The following TFDP2 variants were observed in gnomAD, a reference collection of about 807,000 sequenced individuals.
The protein encoded by TFDP2 is transcription factor Dp-2.
In TFDP2, 17 loss-of-function variants were observed where a neutral mutation model predicts 59.3. The observed-to-expected ratio is 0.29, with a 90% CI of 0.20 to 0.43. The LOEUF (loss-of-function observed/expected upper bound fraction) is 0.43, where lower values mean the gene tolerates loss of function less well. Among genes scored for constraint, TFDP2 ranks in the 20% least tolerant of loss-of-function variants. The pLI is 1.00. For synonymous variants in TFDP2, 180 were observed against 194.7 expected (o/e 0.92, Z 0.63); for missense variants, 391 against 528.8 (o/e 0.74, Z 2.56).
At chr3:142,076,811 C>T (rs2060473832) in intron 3 of TFDP2, among the ~76,000 whole-genome samples, 1 of 152,166 alleles carries the variant, frequency 6.6e-6, no homozygotes, top group South Asian at 2.1e-4. Context: ...GAAGCCTCTA[C>T]CCATGGTCCC....
intron 3 of TFDP2, among the ~76,000 whole-genome samples, chr3:142,040,686 T>A (rs889963147): frequency 1.3e-5 from 2 of 152,172 alleles, no homozygotes; most frequent in African/African-American, 4.8e-5. Context: ...CACCGTGGCC[T>A]CCCAAAATGT....
At chr3:142,014,519 G>C (rs1014799315) in intron 3 of TFDP2, among the ~76,000 whole-genome samples, 2 of 152,080 alleles carry the variant, frequency 1.3e-5, no homozygotes, top group African/African-American at 4.8e-5. Flanking sequence ...GCTAAAAGGG[G>C]TGATTCTACT....
intron 7 of TFDP2, among the ~76,000 whole-genome samples, chr3:141,976,713 A>G (rs1024059063): frequency 6.6e-6 from 1 of 152,112 alleles, no homozygotes; most frequent in South Asian, 2.1e-4. Flanking sequence ...AATGGTGGGC[A>G]AGCTCACAAA....
chr3:142,037,475 C>G (rs1427776485), intron 3 of TFDP2, among the ~76,000 whole-genome samples: 1 of 152,104 alleles, frequency 6.6e-6, no homozygotes, highest in Admixed American at 6.6e-5. Context: ...AAGCTGCAAC[C>G]TAGAAGGTGA....
Position 141,969,163 on chromosome 3 carries a change from AAC to A in TFDP2, c.732+908_732+909del, listed in dbSNP as rs1939198257. ...TCCCATATATATGAGATATATATAT[AAC>A]ATATATATATATCTCATATATATGA... On this transcript the variant is annotated intron_variant, in intron 9 of 12. Coordinates refer to ENST00000489671, the MANE Select transcript of TFDP2 (RefSeq NM_001178139.2). 5.4e-5 allele frequency among the ~76,000 whole-genome samples: 5 copies of A among 92,336 alleles called. 1 individual carries two copies. Among genetic ancestry groups the A allele is most frequent in the Admixed American group, 1.3e-4 (1 of 7,812 alleles). The allele number at this position is 92,336 out of a possible 152,430, so 60.6% of individuals were successfully genotyped here.
chr3:142,067,100 G>A (rs992717829), intron 3 of TFDP2, among the ~76,000 whole-genome samples: 1 of 152,084 alleles, frequency 6.6e-6, no homozygotes, highest in African/African-American at 2.4e-5. Context: ...GGGGAACAAG[G>A]CAAGGATTTC....
At chr3:142,034,456 C>T (rs6764833) in intron 3 of TFDP2, among the ~76,000 whole-genome samples, 131,221 of 152,034 alleles carry the variant, frequency 0.86, 56,996 homozygotes, top group African/African-American at 0.97. Context: ...ACCTCTGACA[C>T]AACCACAGTT....
chr3:142,074,657 G>A (rs1212430237), intron 3 of TFDP2, among the ~76,000 whole-genome samples: 1 of 151,934 alleles, frequency 6.6e-6, no homozygotes, highest in African/African-American at 2.4e-5. Context: ...ATTGAGACCA[G>A]CCTGAACAAC....
At chr3:141,983,421 G>C (rs535227780) in intron 6 of TFDP2, among the ~76,000 whole-genome samples, 1 of 152,256 alleles carries the variant, frequency 6.6e-6, no homozygotes, top group South Asian at 2.1e-4. Context: ...TGGATCACTT[G>C]AGGTCAGGAG....
At chr3:142,115,598 G>A (rs1475076591) in intron 1 of TFDP2, among the ~76,000 whole-genome samples, 4 of 152,206 alleles carry the variant, frequency 2.6e-5, no homozygotes, top group Admixed American at 1.3e-4. Flanking sequence ...GATTACAGGC[G>A]TGAGCCACCG....
intron 3 of TFDP2, among the ~76,000 whole-genome samples, chr3:142,034,351 G>A (rs1040296739): frequency 6.6e-5 from 10 of 151,698 alleles, no homozygotes; most frequent in African/African-American, 2.2e-4. Flanking sequence ...CGCCCACCTC[G>A]GCCTCCCAAA....
At chr3:142,128,007 G>A (rs1333438109) in intron 1 of TFDP2, among the ~76,000 whole-genome samples, 1 of 151,458 alleles carries the variant, frequency 6.6e-6, no homozygotes. Context: ...GGATCAGCCT[G>A]GGCAACACAG....
intron 3 of TFDP2, among the ~76,000 whole-genome samples, chr3:142,070,145 A>G (rs1369970152): frequency 6.6e-6 from 1 of 151,538 alleles, no homozygotes; most frequent in African/African-American, 2.4e-5. Flanking sequence ...GGCCTCAAGT[A>G]ATCTGCCCAT....
chr3:142,097,802 C>T (rs944896751), intron 2 of TFDP2, among the ~76,000 whole-genome samples: 2 of 152,070 alleles, frequency 1.3e-5, no homozygotes, highest in Non-Finnish European at 2.9e-5. Flanking sequence ...TGTCCATAAA[C>T]CCAGCAATTT....
chr3:141,990,714 A>G lies in TFDP2; in HGVS notation c.356+2824T>C, dbSNP rs542659048. Reference sequence around the variant, plus strand: ...TGTTTGAAAGAGCTCAGGTTCTAAAAAAATGTATAAACCTTATATATTTAA... The same window carrying G: ...TGTTTGAAAGAGCTCAGGTTCTAAAGAAATGTATAAACCTTATATATTTAA... On this transcript the variant is annotated intron_variant, in intron 6 of 12. Transcript: ENST00000489671. 1.6e-4 allele frequency among the ~76,000 whole-genome samples: 25 copies of G among 152,316 alleles called. 1 individual carries two copies. The South Asian group carries it at 5.2e-3, about 32-fold the overall frequency.
chr3:141,968,382 TCA>T (rs1559936872), intron 9 of TFDP2, among the ~76,000 whole-genome samples: 1 of 89,032 alleles, frequency 1.1e-5, no homozygotes, highest in Non-Finnish European at 2.4e-5. Context: ...AACATATATC[TCA>T]TATATATAAC....
intron 3 of TFDP2, among the ~76,000 whole-genome samples, chr3:142,081,269 A>G (rs369223761): frequency 5.4e-4 from 82 of 152,312 alleles, no homozygotes; most frequent in African/African-American, 2.0e-3. Flanking sequence ...AAGAAATTTA[A>G]AATGTACTTG....
At chr3:142,113,726 T>A (rs980312079) in intron 1 of TFDP2, among the ~76,000 whole-genome samples, 2 of 152,002 alleles carry the variant, frequency 1.3e-5, no homozygotes, top group African/African-American at 2.4e-5. Flanking sequence ...AAGGAAGCAA[T>A]TGGAGAAGAA....
chr3:142,096,117 C>T (rs906681433), intron 2 of TFDP2, among the ~76,000 whole-genome samples: 1 of 152,124 alleles, frequency 6.6e-6, no homozygotes, highest in African/African-American at 2.4e-5. Flanking sequence ...ACACCTGCAT[C>T]TTAAGAACCA....
Sources: gnomAD v4.1 joint callset for allele counts (sites outside exome capture counted in the v4.1 genomes callset) on GRCh38, gnomAD v4.1.1 for gene constraint, MANE v1.5 for transcripts, NCBI Gene and HGNC (gene_info 2026-07-23, HGNC 2026-07-21) for gene names.